The following MYH11 variants were observed in gnomAD, a reference collection of about 807,000 sequenced individuals.
MYH11 encodes the protein myosin heavy chain 11, also known as myosin-11.
In MYH11, 80 loss-of-function variants were observed where a neutral mutation model predicts 246.6. That is an observed-to-expected ratio of 0.32 (90% CI 0.27 to 0.39). MYH11 has a LOEUF of 0.39. Ranked by LOEUF, MYH11 falls within the 10% of genes least tolerant of loss-of-function variation. The pLI, the probability that MYH11 is intolerant of heterozygous loss-of-function variation, is 1.00. For synonymous variants in MYH11, 1,071 were observed against 1,015.5 expected (o/e 1.05, Z -1.04); for missense variants, 2,158 against 2,546.8 (o/e 0.85, Z 3.29).
chr16:15,818,587 A>T (rs1055584249), intron 3 of MYH11, among the ~76,000 whole-genome samples: 7 of 151,918 alleles, frequency 4.6e-5, no homozygotes, highest in African/African-American at 1.7e-4. Flanking sequence ...GGCGCCTGCC[A>T]CTGTGCCTGG....
chr16:15,746,328 T>A (rs1316754776), intron 19 of MYH11, among the ~76,000 whole-genome samples: 1 of 152,120 alleles, frequency 6.6e-6, no homozygotes, highest in African/African-American at 2.4e-5. Context: ...TGAGAAACGA[T>A]AGAACAGTGA....
Position 15,715,151 on chromosome 16 carries a change from T to G in MYH11, c.5613+13A>C. 6.2e-7 allele frequency: 1 copy of G among 1,613,048 alleles called. No homozygotes were observed. The highest frequency in any genetic ancestry group is 8.5e-7 in the Non-Finnish European group (1 of 1,179,948). ...GGCTGGGGGCTCGAGGGAGGCTGGG[T>G]GGCAGGGGCTACCTGCTCCTTGTAC... is the stretch of plus-strand genomic sequence containing the variant. On this transcript the variant is annotated intron_variant, in intron 39 of 40. Coordinates refer to ENST00000300036, the MANE Select transcript of MYH11 (RefSeq NM_002474.3).
At chr16:15,705,280 C>G (rs939350521) in intron 40 of MYH11, among the ~76,000 whole-genome samples, 2 of 152,184 alleles carry the variant, frequency 1.3e-5, no homozygotes, top group African/African-American at 4.8e-5. Context: ...GTGCACCTGG[C>G]CTCTGAGGTG....
chr16:15,730,209 G>A (rs1434471672), intron 27 of MYH11, among the ~76,000 whole-genome samples: 1 of 151,838 alleles, frequency 6.6e-6, no homozygotes, highest in African/African-American at 2.4e-5. Context: ...GCAGAACCGT[G>A]AGCCAATTAA....
intron 1 of MYH11, among the ~76,000 whole-genome samples, chr16:15,847,499 C>G (rs918428097): frequency 6.6e-6 from 1 of 152,182 alleles, no homozygotes; most frequent in African/African-American, 2.4e-5. Flanking sequence ...AGTGATCTGC[C>G]TGCCTCGGTC....
intron 27 of MYH11, among the ~76,000 whole-genome samples, chr16:15,729,619 T>C (rs1933306256): frequency 6.6e-6 from 1 of 151,906 alleles, no homozygotes; most frequent in Non-Finnish European, 1.5e-5. Context: ...GGCACAATCT[T>C]GGCTCACTGC....
chr16:15,703,837 G>A lies in MYH11; in HGVS notation c.*154C>T. On this transcript the variant is annotated 3_prime_UTR_variant, in exon 41 of 41. Transcript: ENST00000300036. ...GGTTTTTATATTCCTTGTGTGAGGGGTGTCTGTGATATTTGGAATTTGAGA... is the reference window on the plus strand; with the variant it reads ...GGTTTTTATATTCCTTGTGTGAGGGATGTCTGTGATATTTGGAATTTGAGA... 2 of 1,003,820 alleles carry A rather than the reference G, an allele frequency of 2.0e-6. No individual in the cohort carries two copies. The highest frequency in any genetic ancestry group is 1.3e-5 in the South Asian group (1 of 77,160). 62.2% of individuals were successfully genotyped at this position (1,003,820 alleles called of 1,614,324 possible). A position where few individuals can be genotyped will look rare whatever the true frequency, so the allele number is the denominator to read the frequency against.
intron 1 of MYH11, among the ~76,000 whole-genome samples, chr16:15,855,419 T>C (rs1369350852): frequency 6.6e-6 from 1 of 152,216 alleles, no homozygotes; most frequent in Admixed American, 6.5e-5. Flanking sequence ...CCAACAAGTT[T>C]GTGTCCATGG....
rs1336910512 is a variant in MYH11 at position 15,715,098 on chromosome 16, G to A, written c.5614-17C>T. 1.2e-6 allele frequency: 2 copies of A among 1,612,642 alleles called. No homozygotes were observed. Among genetic ancestry groups the A allele is most frequent in the South Asian group, 1.1e-5 (1 of 91,080 alleles). ...TTTCTCTGCCTGTCGCGGAGAGTTGGAGGGGTGGTTAGGGGAGGCCGGCTG... is the reference window on the plus strand; with the variant it reads ...TTTCTCTGCCTGTCGCGGAGAGTTGAAGGGGTGGTTAGGGGAGGCCGGCTG... On this transcript the variant is annotated splice_polypyrimidine_tract_variant and intron_variant, in intron 39 of 40. Coordinates refer to ENST00000300036, the MANE Select transcript of MYH11 (RefSeq NM_002474.3).
At chr16:15,718,678 C>T (rs1399026997) in intron 36 of MYH11, 2 of 593,444 alleles carry the variant, frequency 3.4e-6, no homozygotes, top group African/African-American at 1.9e-5. Context: ...TCCTCCCTGA[C>T]TCTTCCTGGC....
At chr16:15,756,891 T>C (rs1032406238) in intron 13 of MYH11, among the ~76,000 whole-genome samples, 4 of 148,238 alleles carry the variant, frequency 2.7e-5, no homozygotes, top group South Asian at 4.3e-4. Context: ...CTCCGCTTCC[T>C]GGGTTCACGC....
In MYH11 at chr16:15,726,434, G is replaced by A. The variant is rs538407280; in HGVS notation, c.3858+414C>T. 4.9e-3 allele frequency: 1,145 copies of A among 232,632 alleles called. 9 individuals carry two copies. The highest frequency in any genetic ancestry group is 7.1e-3 in the Non-Finnish European group (831 of 117,022). 14.4% of individuals were successfully genotyped at this position (232,632 alleles called of 1,614,324 possible). Reference sequence around the variant, plus strand: ...AGCCCAGGCTGGAGTACAATGGTGCGGTCTCCGCACACTGCAACCTCTGCC... The same window carrying A: ...AGCCCAGGCTGGAGTACAATGGTGCAGTCTCCGCACACTGCAACCTCTGCC... On this transcript the variant is annotated intron_variant, in intron 28 of 40. Transcript: ENST00000300036.
intron 15 of MYH11, among the ~76,000 whole-genome samples, chr16:15,752,012 G>A (rs149153096): frequency 8.6e-5 from 13 of 151,816 alleles, no homozygotes; most frequent in African/African-American, 3.1e-4. Context: ...GACTGGTCTC[G>A]AACTCTTGAC....
At chr16:15,763,660 G>A (rs993954142) in intron 10 of MYH11, 136 bp downstream of exon 10, 4 of 772,690 alleles carry the variant, frequency 5.2e-6, no homozygotes, top group Non-Finnish European at 9.1e-6. Flanking sequence ...TTGAAAAAGT[G>A]AGTGATAAGA....
At chr16:15,849,779 T>A (rs1317097319) in intron 1 of MYH11, among the ~76,000 whole-genome samples, 1 of 152,286 alleles carries the variant, frequency 6.6e-6, no homozygotes, top group African/African-American at 2.4e-5. Flanking sequence ...ACAAACAAGC[T>A]AATCATTAGC....
At chr16:15,827,288 G>C (rs1567203375) in intron 2 of MYH11, among the ~76,000 whole-genome samples, 1 of 152,300 alleles carries the variant, frequency 6.6e-6, no homozygotes, top group South Asian at 2.1e-4. Flanking sequence ...ACCCACATTG[G>C]GGGTGGTCAG....
chr16:15,780,472 C>A lies in MYH11; in HGVS notation c.727-1629G>T, dbSNP rs1205330772. Among the ~76,000 whole-genome samples, 4 of 96,574 alleles carry A rather than the reference C, an allele frequency of 4.1e-5. No individual in the cohort carries two copies. The East Asian group carries it at 1.2e-3, about 30-fold the overall frequency. The allele number at this position is 96,574 out of a possible 152,430, so 63.4% of individuals were successfully genotyped here. A position where few individuals can be genotyped will look rare whatever the true frequency, so the allele number is the denominator to read the frequency against. ...TAACCTTTATGACTTTAGATTTTTACGCTTTTTTTTTTTTTTTTTTTTTTT... is the reference window on the plus strand; with the variant it reads ...TAACCTTTATGACTTTAGATTTTTAAGCTTTTTTTTTTTTTTTTTTTTTTT... On this transcript the variant is annotated intron_variant, in intron 6 of 40. Coordinates refer to ENST00000300036, the MANE Select transcript of MYH11 (RefSeq NM_002474.3).
At chr16:15,710,050 TTA>T (rs2039690713) in intron 40 of MYH11, among the ~76,000 whole-genome samples, 1 of 152,224 alleles carries the variant, frequency 6.6e-6, no homozygotes, top group African/African-American at 2.4e-5. Flanking sequence ...GTGCCTGATT[TTA>T]TGTTTTTGTG....
chr16:15,786,366 A>G, intron 5 of MYH11: 1 of 615,276 alleles, frequency 1.6e-6, no homozygotes, highest in Non-Finnish European at 3.0e-6. Flanking sequence ...ACGTGGAGGA[A>G]GATCTCGCTA....
Sources: gnomAD v4.1 joint callset for allele counts (sites outside exome capture counted in the v4.1 genomes callset) on GRCh38, gnomAD v4.1.1 for gene constraint, MANE v1.5 for transcripts, NCBI Gene and HGNC (gene_info 2026-07-23, HGNC 2026-07-21) for gene names.